DNAH1: variants seen among roughly 807,000 people sequenced by gnomAD.
DNAH1 encodes the protein axonemal beta dynein heavy chain 1.
Under a neutral mutation model 484.3 loss-of-function variants are expected in DNAH1, and 327 were observed. The ratio of observed to expected loss-of-function variants is 0.68; its 90% CI spans 0.62 to 0.74. DNAH1 has a LOEUF of 0.74. DNAH1 is among the 30% of genes least tolerant of loss of function. The pLI, the probability that DNAH1 is intolerant of heterozygous loss-of-function variation, is 0.00. For synonymous variants in DNAH1, 2,192 were observed against 2,191.9 expected (o/e 1.00, Z 0.00); for missense variants, 5,052 against 5,546.8 (o/e 0.91, Z 2.83).
intron 21 of DNAH1, among the ~76,000 whole-genome samples, chr3:52,356,361 G>T (rs957432517): frequency 2.0e-5 from 3 of 152,208 alleles, no homozygotes; most frequent in African/African-American, 7.2e-5. Context: ...AGCTCCCCCG[G>T]CTCCTTTGGA....
At position 52,331,260 on chromosome 3, in the gene DNAH1, G is replaced by A. The variant is rs749937850; in HGVS notation, c.984G>A (p.Val328=). 2 of 1,611,332 alleles carry A rather than the reference G, an allele frequency of 1.2e-6. No homozygotes were observed. Among genetic ancestry groups the A allele is most frequent in the Admixed American group, 1.7e-5 (1 of 59,662 alleles). ...ACAAGACAGACGAGAAAGGCCTGGT[G>A]CGAGATGAGATGGGGAGGCCCATCC... is the stretch of plus-strand genomic sequence containing the variant. ...LVHKTDEKGL[V]RDEMGRPILN... The change falls in exon 7 of 78, where the codon GTG becomes GTA. Residue 328 remains valine (V), a synonymous_variant. Transcript: ENST00000420323.
chr3:52,329,653 C>T (rs1376937160), intron 6 of DNAH1, among the ~76,000 whole-genome samples: 10 of 152,014 alleles, frequency 6.6e-5, no homozygotes, highest in Non-Finnish European at 1.2e-4. Flanking sequence ...GATGAAACCC[C>T]GTCTTTACTA....
intron 22 of DNAH1, 90 bp downstream of exon 22, chr3:52,356,868 A>G: frequency 1.4e-6 from 2 of 1,444,716 alleles, no homozygotes; most frequent in Middle Eastern, 1.9e-4. Context: ...CCCTCCCTAC[A>G]CAGAAAAGGC....
chr3:52,377,520 T>C (rs1425016733), intron 46 of DNAH1, among the ~76,000 whole-genome samples: 2 of 151,720 alleles, frequency 1.3e-5, no homozygotes, highest in Non-Finnish European at 2.9e-5. Flanking sequence ...ACACTCCTCC[T>C]CTCTCACCCA....
rs1702983490 is a variant in DNAH1, at chr3:52,364,394, A to G, written c.5245-244A>G. Among the ~76,000 whole-genome samples the G allele has an allele frequency of 6.6e-6, 1 of 152,230 alleles. No homozygotes were observed. Among genetic ancestry groups the G allele is most frequent in the Non-Finnish European group, 1.5e-5 (1 of 68,036 alleles). On this transcript the variant is annotated intron_variant, in intron 32 of 77. Coordinates refer to ENST00000420323, the MANE Select transcript of DNAH1 (RefSeq NM_015512.5). The surrounding 1 kb of genome is among the most constrained non-coding windows in gnomAD (Gnocchi z 4.2). ...CATGTGCTGGGACAGTGACCAAAGG[A>G]TGCAGAATGGGTATCGGATAAAGGA...
intron 4 of DNAH1, 71 bp from the exon 5 acceptor site, chr3:52,326,664 C>T: frequency 6.6e-7 from 1 of 1,523,706 alleles, no homozygotes; most frequent in Non-Finnish European, 8.9e-7. Flanking sequence ...CCCGTAGGCC[C>T]TTGTGGACAC....
intron 2 of DNAH1, among the ~76,000 whole-genome samples, chr3:52,323,553 G>A (rs972369287): frequency 1.3e-5 from 2 of 152,224 alleles, no homozygotes; most frequent in Admixed American, 1.3e-4. Flanking sequence ...ACTGTGGAGT[G>A]TTCTCAGATC....
At chr3:52,328,632 C>A (rs763146073) in intron 6 of DNAH1, among the ~76,000 whole-genome samples, 18 of 152,274 alleles carry the variant, frequency 1.2e-4, no homozygotes, top group Admixed American at 4.6e-4. Context: ...AATAATCTGC[C>A]CAGGGAGTGC....
At chr3:52,317,320 C>T (rs1023864120) in intron 1 of DNAH1, among the ~76,000 whole-genome samples, 1 of 152,010 alleles carries the variant, frequency 6.6e-6, no homozygotes, top group African/African-American at 2.4e-5. Flanking sequence ...AGAGGGTGGG[C>T]GCCCGAGCCG....
At chr3:52,366,996 A>T in intron 36 of DNAH1, 109 bp downstream of exon 36, 2 of 1,332,686 alleles carry the variant, frequency 1.5e-6, no homozygotes, top group Non-Finnish European at 1.0e-6. Context: ...CGGGCTCTGC[A>T]GCCCAACGCT....
chr3:52,351,924 G>C (rs959130909), intron 16 of DNAH1, 38 bp from the exon 17 acceptor site: 10 of 1,584,478 alleles, frequency 6.3e-6, no homozygotes, highest in African/African-American at 1.3e-5. Context: ...CACTTCAGCC[G>C]CGATATTTCT....
At position 52,344,392 on chromosome 3, in the gene DNAH1, C is replaced by T. The variant is rs760536099; in HGVS notation, c.1287-98C>T. On this transcript the variant is annotated intron_variant, in intron 8 of 77. Coordinates refer to ENST00000420323, the MANE Select transcript of DNAH1 (RefSeq NM_015512.5). The stretch of plus-strand genomic sequence containing the variant: ...GAATCCAGAAGGGAAGCCCTAAATG[C>T]GTGTCCCCAGGTCCATGCCAGAGCA... 35 of 1,442,060 alleles carry T rather than the reference C, an allele frequency of 2.4e-5. No individual in the cohort carries two copies. The South Asian group carries it at 2.6e-4, about 11-fold the overall frequency. 89.3% of individuals were successfully genotyped at this position (1,442,060 alleles called of 1,614,324 possible). A position where few individuals can be genotyped will look rare whatever the true frequency, so the allele number is the denominator to read the frequency against.
Position 52,368,856 on chromosome 3 carries a change from A to T in DNAH1, c.5881A>T (p.Thr1961Ser). ...TGCCATCTGGATTGAGAACATGAACACGGTGCTGGATGACAACAAGAAGCT... is the reference window on the plus strand; with the variant it reads ...TGCCATCTGGATTGAGAACATGAACTCGGTGCTGGATGACAACAAGAAGCT... Reference protein sequence around the residue: ...VDAIWIENMNTVLDDNKKLCL... With the variant: ...VDAIWIENMNSVLDDNKKLCL... Residue 1961 changes from threonine (T) to serine (S), a missense_variant, in exon 37 of 78, where the codon ACG becomes TCG. Thr to Ser is a moderately conservative substitution (Grantham distance 58). Coordinates refer to ENST00000420323, the MANE Select transcript of DNAH1 (RefSeq NM_015512.5). The surrounding 1 kb of genome is among the most constrained non-coding windows in gnomAD (Gnocchi z 4.4). The T allele has an allele frequency of 1.2e-6, 2 of 1,614,048 alleles. No individual in the cohort carries two copies. The highest frequency in any genetic ancestry group is 1.7e-6 in the Non-Finnish European group (2 of 1,179,904).
intron 52 of DNAH1, 148 bp from the exon 53 acceptor site, chr3:52,384,638 G>A (rs1704015121): frequency 1.3e-6 from 1 of 785,982 alleles, no homozygotes; most frequent in African/African-American, 1.8e-5. Context: ...CGACCTGGAG[G>A]TCGTGAGGCT....
At position 52,379,974 on chromosome 3, in the gene DNAH1, G is replaced by A. The variant is rs749980575; in HGVS notation, c.7447G>A (p.Glu2483Lys). Residue 2483 changes from glutamate (E) to lysine (K), a missense_variant, in exon 48 of 78, where the codon GAG (glutamate) becomes AAG (lysine). This residue lies in a region of DNAH1 where 2,929 missense variants were observed against 3,409.4 expected (regional missense o/e 0.86). Coordinates refer to ENST00000420323, the MANE Select transcript of DNAH1 (RefSeq NM_015512.5). This position sits in a 1 kb window ranked among gnomAD's most constrained non-coding sequence, Gnocchi z 4.4. ...CGTGTTCCGGGACCGACTGGTGAATGAGGAGGACCGCAGCTGGTTCGACCA... is the reference window on the plus strand; with the variant it reads ...CGTGTTCCGGGACCGACTGGTGAATAAGGAGGACCGCAGCTGGTTCGACCA... ...CRVFRDRLVNEEDRSWFDQLL... is the reference protein window; with the variant it reads ...CRVFRDRLVNKEDRSWFDQLL... 1.8e-5 allele frequency: 29 copies of A among 1,586,464 alleles called. No homozygotes were observed. In the South Asian group the frequency reaches 2.8e-4, roughly 15 times the overall value.
At chr3:52,390,889 G>T in intron 60 of DNAH1, 46 bp from the exon 61 acceptor site, 1 of 1,549,490 alleles carries the variant, frequency 6.5e-7, no homozygotes, top group Non-Finnish European at 8.7e-7. Flanking sequence ...CAGTGACCCT[G>T]CTTGCAGGAA....
rs1700954556 is a variant in DNAH1 at position 52,316,460 on chromosome 3, A to C, written c.-120A>C. 2 of 151,114 alleles carry C rather than the reference A, an allele frequency of 1.3e-5. No homozygotes were observed. Among genetic ancestry groups the C allele is most frequent in the African/African-American group, 2.5e-5 (1 of 40,328 alleles). The allele number at this position is 151,114 out of a possible 1,614,324, so 9.4% of individuals were successfully genotyped here. A position where few individuals can be genotyped will look rare whatever the true frequency, so the allele number is the denominator to read the frequency against. ...GTCCTTTCTTCCTTCTGCAGTGATCACTGAGTACCTGTGTGAATGCCAACA... is the reference window on the plus strand; with the variant it reads ...GTCCTTTCTTCCTTCTGCAGTGATCCCTGAGTACCTGTGTGAATGCCAACA... On this transcript the variant is annotated 5_prime_UTR_variant, in exon 1 of 78. Coordinates refer to ENST00000420323, the MANE Select transcript of DNAH1 (RefSeq NM_015512.5).
chr3:52,383,651 G>C, intron 51 of DNAH1, 57 bp downstream of exon 51: 2 of 1,488,278 alleles, frequency 1.3e-6, no homozygotes, highest in Non-Finnish European at 1.8e-6. Context: ...GTGTACATGG[G>C]CTGGCCCCGG....
intron 8 of DNAH1, among the ~76,000 whole-genome samples, chr3:52,338,530 G>A (rs1007922471): frequency 1.7e-4 from 26 of 152,036 alleles, no homozygotes; most frequent in African/African-American, 5.1e-4. Context: ...GAAGTCTCCC[G>A]TCATCTCTTG....
Sources: gnomAD v4.1 joint callset for allele counts (sites outside exome capture counted in the v4.1 genomes callset) on GRCh38, gnomAD v4.1.1 for gene constraint, gnomAD v4.1.1 regional missense constraint, Gnocchi (gnomAD v3.1) non-coding constraint, MANE v1.5 for transcripts, NCBI Gene and HGNC (gene_info 2026-07-23, HGNC 2026-07-21) for gene names.